Variants in SNRPF observed in about 807,000 individuals in gnomAD.
SNRPF encodes the protein small nuclear ribonucleoprotein F.
A neutral mutation model predicts 13.4 loss-of-function variants in SNRPF; 1 was observed. The observed-to-expected ratio is 0.07, with a 90% confidence interval of 0.03 to 0.35. The LOEUF is 0.35. SNRPF is among the 10% of genes least tolerant of loss of function. The pLI, the probability that SNRPF is intolerant of heterozygous loss-of-function variation, is 0.99. For synonymous variants in SNRPF, 27 were observed against 32.1 expected (o/e 0.84, Z 0.54); for missense variants, 53 against 101.0 (o/e 0.52, Z 2.04).
chr12:95,861,397 C>A (rs1193720107), intron 2 of SNRPF, 104 bp downstream of exon 2: 9 of 1,103,848 alleles, frequency 8.2e-6, no homozygotes, highest in Non-Finnish European at 1.2e-5. Flanking sequence ...ATTAAATTGA[C>A]AAATATACGG....
At chr12:95,863,186 C>T (rs926611899) in intron 2 of SNRPF, among the ~76,000 whole-genome samples, 3 of 152,052 alleles carry the variant, frequency 2.0e-5, no homozygotes, top group African/African-American at 7.2e-5. Flanking sequence ...GAGCACATGA[C>T]ATTAAGGCCC....
Position 95,861,297 on chromosome 12 carries a change from A to G in SNRPF, c.129+4A>G. On this transcript the variant is annotated splice_donor_region_variant and intron_variant, in intron 2 of 3. Transcript: ENST00000266735. ...AGATGGCTACATGAACATGCAGGTAAGCTAAAGAGCTGTAAAGGTCATAAC... is the reference window on the plus strand; with the variant it reads ...AGATGGCTACATGAACATGCAGGTAGGCTAAAGAGCTGTAAAGGTCATAAC... 1 of 1,608,508 alleles carries G rather than the reference A, an allele frequency of 6.2e-7. No individual in the cohort carries two copies. The highest frequency in any genetic ancestry group is 8.5e-7 in the Non-Finnish European group (1 of 1,176,660).
In SNRPF at chr12:95,866,089, T is replaced by G; in HGVS notation, c.*18T>G. On this transcript the variant is annotated 3_prime_UTR_variant, in exon 4 of 4. Coordinates refer to ENST00000266735, the MANE Select transcript of SNRPF (RefSeq NM_003095.5). ...GAGAATAGCATCTTTTGTGGGGGAT[T>G]TTTTTTATATATATTTCTAGACAAT... 1 of 1,245,168 alleles carries G rather than the reference T, an allele frequency of 8.0e-7. No individual in the cohort carries two copies. Among genetic ancestry groups the G allele is most frequent in the Non-Finnish European group, 1.2e-6 (1 of 867,208 alleles). 77.1% of individuals were successfully genotyped at this position (1,245,168 alleles called of 1,614,324 possible). A position where few individuals can be genotyped will look rare whatever the true frequency, so the allele number is the denominator to read the frequency against.
chr12:95,862,154 C>A (rs969333320), intron 2 of SNRPF, among the ~76,000 whole-genome samples: 1 of 152,082 alleles, frequency 6.6e-6, no homozygotes, highest in African/African-American at 2.4e-5. Context: ...TTTGACTTAA[C>A]GTAGTGTATT....
rs1565936245 is a variant in SNRPF at position 95,859,037 on chromosome 12, G to A, written c.-37G>A. On this transcript the variant is annotated 5_prime_UTR_variant, in exon 1 of 4. Transcript: ENST00000266735. ...ACGAGGGACGGGCGGCGGCCTGGTC[G>A]GCAGAGAGTAGCCTGCAACATTCGG... 4 of 1,611,522 alleles carry A rather than the reference G, an allele frequency of 2.5e-6. No individual in the cohort carries two copies. Among genetic ancestry groups the A allele is most frequent in the South Asian group, 1.1e-5 (1 of 90,290 alleles).
chr12:95,859,897 A>G (rs991674012), intron 1 of SNRPF, among the ~76,000 whole-genome samples: 9 of 152,228 alleles, frequency 5.9e-5, no homozygotes, highest in Admixed American at 1.3e-4. Context: ...TCTGATGTGC[A>G]CTTTAAAAAA....
chr12:95,859,030 C>T lies in SNRPF; in HGVS notation c.-44C>T, dbSNP rs1341824886. 1.2e-6 allele frequency: 2 copies of T among 1,610,474 alleles called. No individual in the cohort carries two copies. Among genetic ancestry groups the T allele is most frequent in the Non-Finnish European group, 1.7e-6 (2 of 1,179,032 alleles). On this transcript the variant is annotated 5_prime_UTR_variant, in exon 1 of 4. Coordinates refer to ENST00000266735, the MANE Select transcript of SNRPF (RefSeq NM_003095.5). ...TGTAGTCACGAGGGACGGGCGGCGG[C>T]CTGGTCGGCAGAGAGTAGCCTGCAA...
At chr12:95,863,443 A>T (rs529419788) in intron 2 of SNRPF, among the ~76,000 whole-genome samples, 15 of 152,368 alleles carry the variant, frequency 9.8e-5, no homozygotes, top group African/African-American at 3.1e-4. Context: ...GAATTAATAT[A>T]GCTTGCTAGT....
At chr12:95,861,062 A>G in intron 1 of SNRPF, 106 bp from the exon 2 acceptor site, 1 of 1,038,486 alleles carries the variant, frequency 9.6e-7, no homozygotes, top group South Asian at 1.6e-5. Context: ...TAAGGAGTCA[A>G]AAGTTTTCTT....
intron 1 of SNRPF, among the ~76,000 whole-genome samples, chr12:95,860,560 A>G (rs1347704007): frequency 6.6e-6 from 1 of 151,886 alleles, no homozygotes; most frequent in Non-Finnish European, 1.5e-5. Flanking sequence ...GGACTCATTT[A>G]TTTATTTATT....
In SNRPF at chr12:95,862,233, T is replaced by A. The variant is rs545925302; in HGVS notation, c.129+940T>A. 2.0e-5 allele frequency among the ~76,000 whole-genome samples: 3 copies of A among 152,326 alleles called. No individual in the cohort carries two copies. In the East Asian group the frequency reaches 5.8e-4, roughly 29 times the overall value. ...TTTATGACTGAATAATATTCCATTA[T>A]ATGGATATACCACATTCTAATCCAT... On this transcript the variant is annotated intron_variant, in intron 2 of 3. Coordinates refer to ENST00000266735, the MANE Select transcript of SNRPF (RefSeq NM_003095.5).
intron 1 of SNRPF, among the ~76,000 whole-genome samples, chr12:95,859,879 T>C (rs1199028971): frequency 6.6e-6 from 1 of 152,168 alleles, no homozygotes; most frequent in East Asian, 1.9e-4. Flanking sequence ...TAAGCAGAAA[T>C]ATGACAATCT....
chr12:95,859,177 G>A, intron 1 of SNRPF, 101 bp downstream of exon 1: 11 of 1,060,586 alleles, frequency 1.0e-5, no homozygotes, highest in East Asian at 2.5e-5. Context: ...CCATTCATCC[G>A]CGTGAGGCGC....
intron 1 of SNRPF, among the ~76,000 whole-genome samples, chr12:95,859,933 A>G (rs2079486915): frequency 1.3e-5 from 2 of 152,234 alleles, no homozygotes; most frequent in Admixed American, 1.3e-4. Flanking sequence ...TGGATAACAA[A>G]TTGGAGAATG....
intron 2 of SNRPF, 70 bp downstream of exon 2, chr12:95,861,363 G>A: frequency 1.4e-6 from 2 of 1,416,382 alleles, no homozygotes; most frequent in South Asian, 1.2e-5. Flanking sequence ...CAAAGGTTTA[G>A]TCTGACTAAT....
intron 2 of SNRPF, among the ~76,000 whole-genome samples, chr12:95,862,160 GTAT>G (rs1462727893): frequency 6.6e-6 from 1 of 152,092 alleles, no homozygotes; most frequent in Non-Finnish European, 1.5e-5. Context: ...TTAACGTAGT[GTAT>G]TATTCAAGGT....
chr12:95,865,354 G>T lies in SNRPF; in HGVS notation c.160G>T (p.Ala54Ser). The T allele has an allele frequency of 6.4e-7, 1 of 1,569,300 alleles. No homozygotes were observed. Residue 54 changes from alanine to serine, a missense_variant, in exon 3 of 4, where the codon GCT (alanine) becomes TCT (serine). Physicochemically the swap from Ala to Ser is moderately conservative, Grantham distance 99. Transcript: ENST00000266735. ...AAATACAGAAGAATACATAGATGGA[G>T]CTTTGTCTGGACATCTGGGTGAAGT... ...LANTEEYIDG[A>S]LSGHLGEVLI...
intron 3 of SNRPF, among the ~76,000 whole-genome samples, chr12:95,865,780 A>T (rs966632530): frequency 6.6e-6 from 1 of 152,178 alleles, no homozygotes; most frequent in Admixed American, 6.5e-5. Flanking sequence ...TTGGAAAATC[A>T]TAAAGATGTC....
chr12:95,861,378 A>G, intron 2 of SNRPF, 85 bp downstream of exon 2: 5 of 1,269,212 alleles, frequency 3.9e-6, no homozygotes, highest in South Asian at 2.6e-5. Context: ...ACTAATAAGA[A>G]TACATACAAT....
Sources: gnomAD v4.1 joint callset for allele counts (sites outside exome capture counted in the v4.1 genomes callset) on GRCh38, gnomAD v4.1.1 for gene constraint, MANE v1.5 for transcripts, NCBI Gene and HGNC (gene_info 2026-07-23, HGNC 2026-07-21) for gene names.